Variants in ARHGAP6 observed in about 807,000 individuals in gnomAD.
ARHGAP6 encodes rho GTPase-activating protein 6.
Under a neutral mutation model 55.7 loss-of-function variants are expected in ARHGAP6, and 16 were observed. The ratio of observed to expected loss-of-function variants is 0.29; its 90% CI spans 0.19 to 0.44. The LOEUF (loss-of-function observed/expected upper bound fraction) is 0.44, where lower values mean the gene tolerates loss of function less well. Ranked by LOEUF, ARHGAP6 falls within the 20% of genes least tolerant of loss-of-function variation. The pLI, the probability that ARHGAP6 is intolerant of heterozygous loss-of-function variation, is 1.00. For synonymous variants in ARHGAP6, 382 were observed against 360.9 expected (o/e 1.06, Z -0.66); for missense variants, 698 against 808.9 (o/e 0.86, Z 1.66).
rs999644179 is a variant in ARHGAP6 at position 11,665,176 on chromosome X, C to G, written c.-348G>C. 1.1e-5 allele frequency: 2 copies of G among 183,996 alleles called. No homozygotes were observed. Among genetic ancestry groups the G allele is most frequent in the African/African-American group, 6.0e-5 (2 of 33,496 alleles). The allele number at this position is 183,996 out of a possible 1,213,427, so 15.2% of individuals were successfully genotyped here. On this transcript the variant is annotated 5_prime_UTR_variant, in exon 1 of 13. Transcript: ENST00000337414. ...TCCCAGCTCCAGCCTGCCAGCGCCA[C>G]TCCCCCTTCCTAGCTGAGGCGGGAG...
At chrX:11,351,437 G>A (rs772358374) in intron 1 of ARHGAP6, 3 of 965,670 alleles carry the variant, frequency 3.1e-6, no homozygotes, top group East Asian at 1.5e-4. Context: ...GCCAGGAACA[G>A]GGCAGGCTCT....
At chrX:11,541,006 C>A (rs1249755075) in intron 1 of ARHGAP6, among the ~76,000 whole-genome samples, 3 of 112,344 alleles carry the variant, frequency 2.7e-5, no homozygotes, top group Non-Finnish European at 3.8e-5. Flanking sequence ...CTCCTGAGTG[C>A]CTGCATGGGG....
intron 1 of ARHGAP6, among the ~76,000 whole-genome samples, chrX:11,609,584 G>C (rs1425053375): frequency 8.9e-6 from 1 of 112,077 alleles, no homozygotes; most frequent in African/African-American, 3.2e-5. Flanking sequence ...AGGAGAGGCA[G>C]CTATGGCAAA....
intron 2 of ARHGAP6, among the ~76,000 whole-genome samples, chrX:11,219,193 C>T (rs1395524329): frequency 9.9e-6 from 1 of 101,366 alleles, no homozygotes; most frequent in African/African-American, 3.6e-5. Context: ...CAATTTCATC[C>T]ATGTCCCTAC....
intron 1 of ARHGAP6, among the ~76,000 whole-genome samples, chrX:11,663,822 C>A (rs2052725599): frequency 8.9e-6 from 1 of 112,678 alleles, no homozygotes; most frequent in East Asian, 2.8e-4. Context: ...AATAATGTTT[C>A]TGAATTCTCT....
At chrX:11,311,171 GCCAATGAAGGAAGCAGT>G (rs1235785313) in intron 1 of ARHGAP6, among the ~76,000 whole-genome samples, 1 of 112,023 alleles carries the variant, frequency 8.9e-6, no homozygotes, top group African/African-American at 3.2e-5. Flanking sequence ...AGAAGGCGAT[GCCAATGAAGGAAGCAGT>G]CCAATGAAGA....
At chrX:11,180,545 G>A (rs938465783) in intron 6 of ARHGAP6, among the ~76,000 whole-genome samples, 1 of 111,284 alleles carries the variant, frequency 9.0e-6, no homozygotes, top group African/African-American at 3.3e-5. Flanking sequence ...AAAGTGCAGG[G>A]TGCTAAGGGG....
intron 1 of ARHGAP6, among the ~76,000 whole-genome samples, chrX:11,606,363 C>T (rs1206726196): frequency 9.0e-6 from 1 of 111,510 alleles, no homozygotes; most frequent in Non-Finnish European, 1.9e-5. Flanking sequence ...TTTTATTAAA[C>T]TCTTTGCTAT....
intron 1 of ARHGAP6, chrX:11,351,682 G>C: frequency 1.9e-6 from 1 of 535,011 alleles, no homozygotes; most frequent in Non-Finnish European, 2.3e-6. Flanking sequence ...GACCCACAGT[G>C]CAGCTGGAAC....
chrX:11,493,428 C>T (rs945144661), intron 1 of ARHGAP6, among the ~76,000 whole-genome samples: 4 of 111,838 alleles, frequency 3.6e-5, no homozygotes, highest in African/African-American at 9.8e-5. Context: ...ACTTTAAATG[C>T]GTGGAGAGTG....
chrX:11,186,157 A>T, intron 5 of ARHGAP6, 79 bp downstream of exon 5: 2 of 932,113 alleles, frequency 2.1e-6, no homozygotes, highest in Non-Finnish European at 3.0e-6. Context: ...GATCAAGCAG[A>T]ATTGACATTG....
intron 1 of ARHGAP6, among the ~76,000 whole-genome samples, chrX:11,492,168 C>T (rs988200242): frequency 1.5e-4 from 16 of 107,513 alleles, no homozygotes; most frequent in Non-Finnish European, 3.8e-5. Flanking sequence ...GTTGCCTGTT[C>T]ACTCTGATGG....
At chrX:11,263,429 A>G (rs1229840399) in intron 1 of ARHGAP6, among the ~76,000 whole-genome samples, 2 of 111,674 alleles carry the variant, frequency 1.8e-5, no homozygotes, top group Non-Finnish European at 3.8e-5. Flanking sequence ...AGGTATTTTT[A>G]TGGTGATACA....
chrX:11,487,043 T>C (rs1422347624), intron 1 of ARHGAP6, among the ~76,000 whole-genome samples: 1 of 111,633 alleles, frequency 9.0e-6, no homozygotes, highest in Non-Finnish European at 1.9e-5. Flanking sequence ...TTTCTCACTG[T>C]TAGAGAAGTA....
intron 2 of ARHGAP6, among the ~76,000 whole-genome samples, chrX:11,228,509 G>C (rs1014701326): frequency 1.8e-5 from 2 of 111,739 alleles, no homozygotes; most frequent in African/African-American, 6.5e-5. Flanking sequence ...TTAGAGTATT[G>C]AGGACTTGGA....
At chrX:11,337,460 T>C (rs1007868971) in intron 1 of ARHGAP6, among the ~76,000 whole-genome samples, 26 of 112,030 alleles carry the variant, frequency 2.3e-4, no homozygotes, top group Non-Finnish European at 1.3e-4. Context: ...ACTGATGATA[T>C]GTGTAACATG....
chrX:11,257,454 G>A (rs1225242099), intron 1 of ARHGAP6, among the ~76,000 whole-genome samples: 2 of 112,296 alleles, frequency 1.8e-5, no homozygotes, highest in South Asian at 3.7e-4. Context: ...ATAAATCAGC[G>A]AGTGTGGCCA....
At chrX:11,602,822 G>A (rs935540613) in intron 1 of ARHGAP6, among the ~76,000 whole-genome samples, 4 of 112,238 alleles carry the variant, frequency 3.6e-5, no homozygotes, top group African/African-American at 1.3e-4. Flanking sequence ...ATTGACACTG[G>A]AGGATACTGG....
chrX:11,613,133 G>A (rs752120958), intron 1 of ARHGAP6, among the ~76,000 whole-genome samples: 1 of 112,068 alleles, frequency 8.9e-6, no homozygotes, highest in Admixed American at 9.4e-5. Flanking sequence ...CCAAAGGTTG[G>A]CCCATAGCAG....
Sources: allele counts gnomAD v4.1 joint callset (sites outside exome capture counted in the v4.1 genomes callset), GRCh38; gene constraint gnomAD v4.1.1; transcripts MANE v1.5; gene names NCBI Gene and HGNC (gene_info 2026-07-23, HGNC 2026-07-21).